Variants in ADGRL1 observed in about 807,000 individuals in gnomAD.
ADGRL1 encodes adhesion G protein-coupled receptor L1, also known as CIRL-1.
Under a neutral mutation model 148.9 loss-of-function variants are expected in ADGRL1, and 31 were observed. The ratio of observed to expected loss-of-function variants is 0.21; its 90% confidence interval spans 0.16 to 0.28. The LOEUF is 0.28. ADGRL1 is among the 10% of genes least tolerant of loss of function. The pLI is 1.00. For missense variants in ADGRL1, 1,521 were observed against 2,058.8 expected (o/e 0.74, Z 5.05); for synonymous variants, 937 against 900.3 (o/e 1.04, Z -0.73).
chr19:14,154,890 T>C (rs1050215818), intron 18 of ADGRL1, among the ~76,000 whole-genome samples: 1 of 152,236 alleles, frequency 6.6e-6, no homozygotes, highest in African/African-American at 2.4e-5. Context: ...GTGCTGGGAT[T>C]ACAGGCGTGA....
intron 1 of ADGRL1, among the ~76,000 whole-genome samples, chr19:14,204,189 T>C (rs879057166): frequency 6.6e-6 from 1 of 152,174 alleles, no homozygotes; most frequent in African/African-American, 2.4e-5. Flanking sequence ...TTTCTCGATA[T>C]GATAATGAAG....
intron 1 of ADGRL1, among the ~76,000 whole-genome samples, chr19:14,187,626 G>A (rs1247650613): frequency 7.8e-6 from 1 of 128,810 alleles, no homozygotes; most frequent in Middle Eastern, 4.9e-3. Context: ...GACTAGACAC[G>A]GCCAGTGTCA....
chr19:14,186,058 AT>A (rs1230069309), intron 1 of ADGRL1, among the ~76,000 whole-genome samples: 4 of 151,674 alleles, frequency 2.6e-5, no homozygotes, highest in Non-Finnish European at 5.9e-5. Flanking sequence ...CCCAACTTTT[AT>A]TTACTTTTAT....
chr19:14,201,675 C>T (rs1487419574), intron 1 of ADGRL1, among the ~76,000 whole-genome samples: 1 of 152,098 alleles, frequency 6.6e-6, no homozygotes, highest in African/African-American at 2.4e-5. Context: ...CTCGGCTTCC[C>T]AACATTCTGG....
intron 16 of ADGRL1, 89 bp downstream of exon 16, chr19:14,156,569 G>A (rs929283804): frequency 3.4e-6 from 3 of 885,260 alleles, no homozygotes; most frequent in Non-Finnish European, 5.3e-6. Flanking sequence ...GTGTGTGTGG[G>A]GGGGGTGGGG....
chr19:14,172,972 T>C (rs117873661), intron 3 of ADGRL1, among the ~76,000 whole-genome samples: 3,002 of 152,268 alleles, frequency 0.02, 41 homozygotes, highest in Middle Eastern at 0.051. Flanking sequence ...ATTATTATTA[T>C]GTTTTGAGAC....
In ADGRL1 at chr19:14,160,638, G is replaced by C; in HGVS notation, c.1569C>G (p.Asp523Glu). 6.2e-7 allele frequency: 1 copy of C among 1,613,034 alleles called. No homozygotes were observed. The highest frequency in any genetic ancestry group is 8.5e-7 in the Non-Finnish European group (1 of 1,179,692). The change falls in exon 7 of 23, where the codon GAC (aspartate) becomes GAG (glutamate). Residue 523 changes from aspartate to glutamate, a missense_variant. Physicochemically the swap from Asp to Glu is conservative, Grantham distance 45. Coordinates refer to ENST00000361434, the MANE Select transcript of ADGRL1 (RefSeq NM_014921.5). This position sits in a 1 kb window ranked among gnomAD's most constrained non-coding sequence, Gnocchi z 5.9. ...ALGLWNPRGP[D>E]LSNCTSPWVN... ...CCCAGGGGGAGGTGCAGTTGCTGAG[G>C]TCAGGGCCCCGGGGGTTCCAGAGCC...
chr19:14,154,229 C>G (rs970434904), intron 18 of ADGRL1, among the ~76,000 whole-genome samples: 2 of 152,164 alleles, frequency 1.3e-5, no homozygotes, highest in African/African-American at 4.8e-5. Context: ...AGCAGGGACA[C>G]AGGCCACCTC....
rs911419504 is a variant in ADGRL1, at chr19:14,162,542, G to C, written c.1195+64C>G. On this transcript the variant is annotated intron_variant, in intron 5 of 22. Coordinates refer to ENST00000361434, the MANE Select transcript of ADGRL1 (RefSeq NM_014921.5). The surrounding 1 kb of genome is among the most constrained non-coding windows in gnomAD (Gnocchi z 5.4). ...GGGGCTCCCCACTCTGGGACCCAGG[G>C]GTGGGTGGGGGTGGAGGGGACAAAG... The C allele has an allele frequency of 4.2e-6, 6 of 1,430,890 alleles. No homozygotes were observed. Among genetic ancestry groups the C allele is most frequent in the Non-Finnish European group, 4.8e-6 (5 of 1,040,476 alleles). The allele number at this position is 1,430,890 out of a possible 1,614,324, so 88.6% of individuals were successfully genotyped here.
intron 1 of ADGRL1, among the ~76,000 whole-genome samples, chr19:14,193,653 C>G (rs576043750): frequency 1.3e-5 from 2 of 152,300 alleles, no homozygotes; most frequent in South Asian, 2.1e-4. Context: ...TTGGGAACAT[C>G]TGGAGTCCTT....
At position 14,155,495 on chromosome 19, in the gene ADGRL1, A is replaced by G; in HGVS notation, c.3158T>C (p.Phe1053Ser). The G allele has an allele frequency of 6.2e-7, 1 of 1,613,872 alleles. No individual in the cohort carries two copies. Among genetic ancestry groups the G allele is most frequent in the Non-Finnish European group, 8.5e-7 (1 of 1,179,934 alleles). The change falls in exon 18 of 23, where the codon TTC becomes TCC. Residue 1053 changes from phenylalanine to serine, a missense_variant. By Grantham distance (155) the Phe-to-Ser change is radical. Coordinates refer to ENST00000361434, the MANE Select transcript of ADGRL1 (RefSeq NM_014921.5). This position sits in a 1 kb window ranked among gnomAD's most constrained non-coding sequence, Gnocchi z 5.0. The part of the protein sequence containing the change: ...SWALGAIALL[F>S]LLGLTWAFGL... ...GAAAGCCCAGGTGAGGCCCAGCAGG[A>G]ACAGCAGCGCGATGGCCCCCAGCGC...
At chr19:14,177,418 A>G (rs1970896677) in intron 3 of ADGRL1, 113 bp downstream of exon 3, 2 of 971,406 alleles carry the variant, frequency 2.1e-6, no homozygotes, top group Admixed American at 1.8e-5. Flanking sequence ...AGTGCTCAGT[A>G]AACATGTGTT....
rs1027861548 is a variant in ADGRL1, at chr19:14,149,392, T to C, written c.*1481A>G. ...CCGTTCCCAGCACCCTCCTCAGCCA[T>C]ACCCATGCCCTCCACAACCCCAGTG... is the stretch of plus-strand genomic sequence containing the variant. On this transcript the variant is annotated 3_prime_UTR_variant, in exon 23 of 23. Transcript: ENST00000361434. The C allele has an allele frequency of 6.5e-6, 1 of 152,930 alleles. No individual in the cohort carries two copies. The highest frequency in any genetic ancestry group is 1.5e-5 in the Non-Finnish European group (1 of 68,236). 9.5% of individuals were successfully genotyped at this position (152,930 alleles called of 1,614,324 possible). A position where few individuals can be genotyped will look rare whatever the true frequency, so the allele number is the denominator to read the frequency against.
rs1568576774 is a variant in ADGRL1 at position 14,159,231 on chromosome 19, A to AT, written c.2024-17_2024-16insA. ...ACCTCCAGGACTGTGGGGACAGGGG[A>AT]AGGCAAGGCATACACAGTTGGGGTC... is the stretch of plus-strand genomic sequence containing the variant. On this transcript the variant is annotated splice_polypyrimidine_tract_variant and intron_variant, in intron 10 of 22. Transcript: ENST00000361434. This position sits in a 1 kb window ranked among gnomAD's most constrained non-coding sequence, Gnocchi z 6.0. The AT allele has an allele frequency of 1.3e-5, 21 of 1,613,694 alleles. No homozygotes were observed. The South Asian group carries it at 2.3e-4, about 18-fold the overall frequency.
rs71170597 is a variant in ADGRL1 at position 14,149,683 on chromosome 19, A to AGGGGAAAGAAAC, written c.*1189_*1190insGTTTCTTTCCCC. On this transcript the variant is annotated 3_prime_UTR_variant, in exon 23 of 23. Transcript: ENST00000361434. ...TGCCGGGCAGGCGGAGCAGGAAAGG[A>AGGGGAAAGAAAC]GGGTGCCAGGAAGGAAATGGGTTCT... The AGGGGAAAGAAAC allele has an allele frequency of 6.5e-6, 1 of 152,684 alleles. No homozygotes were observed. Among genetic ancestry groups the AGGGGAAAGAAAC allele is most frequent in the Admixed American group, 6.5e-5 (1 of 15,300 alleles). The allele number at this position is 152,684 out of a possible 1,614,324, so 9.5% of individuals were successfully genotyped here. A position where few individuals can be genotyped will look rare whatever the true frequency, so the allele number is the denominator to read the frequency against.
rs1338310435 is a variant in ADGRL1, at chr19:14,158,032, A to C, written c.2385T>G (p.Ala795=). 1.9e-6 allele frequency: 3 copies of C among 1,614,206 alleles called. No homozygotes were observed. Among genetic ancestry groups the C allele is most frequent in the Non-Finnish European group, 2.5e-6 (3 of 1,180,022 alleles). The change falls in exon 13 of 23, where the codon GCT becomes GCG. Residue 795 remains alanine (A), a synonymous_variant. Coordinates refer to ENST00000361434, the MANE Select transcript of ADGRL1 (RefSeq NM_014921.5). ...AHLEDKNHFN[A]NCSFWNYSER... ...CCGAGTAGTTCCAGAAGGAGCAGTT[A>C]GCATTGAAGTGGTTCTTGTCCTGTT...
rs140873751 is a variant in ADGRL1 at position 14,157,337 on chromosome 19, G to C, written c.2659C>G (p.Arg887Gly). ...CACAGGTTCTTGTGGATGGTGTTGC[G>C]GTCGGTCTGCAGCCCCCGCAGGAAG... is the stretch of plus-strand genomic sequence containing the variant. ...FCFLRGLQTD[R>G]NTIHKNLCIN... The change falls in exon 14 of 23, where the codon CGC (arginine) becomes GGC (glycine). Residue 887 changes from arginine to glycine, a missense_variant. Physicochemically the swap from Arg to Gly is moderately radical, Grantham distance 125 (BLOSUM62 -2). This residue lies in a region of ADGRL1 where 265 missense variants were observed against 431.9 expected (regional missense o/e 0.61). Coordinates refer to ENST00000361434, the MANE Select transcript of ADGRL1 (RefSeq NM_014921.5). The surrounding 1 kb of genome is among the most constrained non-coding windows in gnomAD (Gnocchi z 7.5). 6.2e-7 allele frequency: 1 copy of C among 1,614,156 alleles called. No homozygotes were observed. The highest frequency in any genetic ancestry group is 1.7e-5 in the Admixed American group (1 of 60,022).
chr19:14,151,686 C>T (rs1157153113), intron 22 of ADGRL1, 71 bp from the exon 23 acceptor site: 8 of 1,426,472 alleles, frequency 5.6e-6, no homozygotes, highest in South Asian at 4.0e-5. Context: ...TGAGGGGGTG[C>T]GGTCCATGTG....
chr19:14,177,865 C>A, intron 2 of ADGRL1, 121 bp from the exon 3 acceptor site: 1 of 807,218 alleles, frequency 1.2e-6, no homozygotes, highest in Non-Finnish European at 1.9e-6. Flanking sequence ...GCTGAGGCAG[C>A]CTCAGTTGAT....
Sources: allele counts gnomAD v4.1 joint callset (sites outside exome capture counted in the v4.1 genomes callset), GRCh38; gene constraint gnomAD v4.1.1; regional missense constraint gnomAD v4.1.1; non-coding constraint Gnocchi (gnomAD v3.1); transcripts MANE v1.5; gene names NCBI Gene and HGNC (gene_info 2026-07-23, HGNC 2026-07-21).